KCNJ3: variants seen among roughly 807,000 people sequenced by gnomAD.
KCNJ3 encodes the protein G protein-activated inward rectifier potassium channel 1.
Under a neutral mutation model 39.2 loss-of-function variants are expected in KCNJ3, and 4 were observed. The ratio of observed to expected loss-of-function variants is 0.10; its 90% CI spans 0.05 to 0.23. KCNJ3 has a LOEUF of 0.23. Among genes scored for constraint, KCNJ3 ranks in the 10% least tolerant of loss-of-function variants. KCNJ3 has a pLI of 1.00. For synonymous variants in KCNJ3, 230 were observed against 237.4 expected, an observed-to-expected ratio of 0.97 and a Z score of 0.29; for missense variants, 276 against 634.9, an observed-to-expected ratio of 0.43 and a Z score of 6.08.
Position 154,816,885 on chromosome 2 carries a change from G to T in KCNJ3, c.920-37842G>T, listed in dbSNP as rs563288022. ...AAAGTGTAGCCCTTCTATCCTTATCGCAATTTCTCATTGGCCTTTACATTA... is the reference window on the plus strand; with the variant it reads ...AAAGTGTAGCCCTTCTATCCTTATCTCAATTTCTCATTGGCCTTTACATTA... On this transcript the variant is annotated intron_variant, in intron 2 of 2. Transcript: ENST00000295101. Among the ~76,000 whole-genome samples, 13 of 152,192 alleles carry T rather than the reference G, an allele frequency of 8.5e-5. No individual in the cohort carries two copies. The South Asian group carries it at 2.7e-3, about 32-fold the overall frequency.
rs201704388 is a variant in KCNJ3 at position 154,836,219 on chromosome 2, C to A, written c.920-18508C>A. Among the ~76,000 whole-genome samples, 1,125 of 118,460 alleles carry A rather than the reference C, an allele frequency of 9.5e-3. 23 individuals carry two copies. The highest frequency in any genetic ancestry group is 0.027 in the African/African-American group (810 of 29,522). 77.7% of individuals were successfully genotyped at this position (118,460 alleles called of 152,430 possible). A position where few individuals can be genotyped will look rare whatever the true frequency, so the allele number is the denominator to read the frequency against. Reference sequence around the variant, plus strand: ...AGCAAGACTGTCTCAAAAAAAAAAACAAAAAAAAACAAAAAAAAAAACAAA... The same window carrying A: ...AGCAAGACTGTCTCAAAAAAAAAAAAAAAAAAAAACAAAAAAAAAAACAAA... On this transcript the variant is annotated intron_variant, in intron 2 of 2. Transcript: ENST00000295101.
At chr2:154,785,537 A>C (rs1207292343) in intron 2 of KCNJ3, among the ~76,000 whole-genome samples, 1 of 152,130 alleles carries the variant, frequency 6.6e-6, no homozygotes, top group Non-Finnish European at 1.5e-5. Context: ...TGTTATGGAG[A>C]GAGTGTGTTA....
intron 2 of KCNJ3, among the ~76,000 whole-genome samples, chr2:154,852,848 G>A (rs546457309): frequency 3.3e-5 from 5 of 151,982 alleles, no homozygotes; most frequent in East Asian, 1.9e-4. Flanking sequence ...TATTCCTCAC[G>A]TAAAATTGAT....
At chr2:154,803,581 A>C (rs1249350011) in intron 2 of KCNJ3, among the ~76,000 whole-genome samples, 1 of 151,954 alleles carries the variant, frequency 6.6e-6, no homozygotes, top group Admixed American at 6.6e-5. Flanking sequence ...AGTATAATGA[A>C]GCTTAAACCA....
chr2:154,786,904 A>G (rs2105207360), intron 2 of KCNJ3, among the ~76,000 whole-genome samples: 1 of 152,336 alleles, frequency 6.6e-6, no homozygotes, highest in East Asian at 1.9e-4. Flanking sequence ...GCACAGGGAA[A>G]GCAGATTTAG....
chr2:154,725,026 G>A (rs752244235), intron 2 of KCNJ3, among the ~76,000 whole-genome samples: 15 of 149,958 alleles, frequency 1.0e-4, no homozygotes, highest in Admixed American at 2.7e-4. Context: ...TCCCTTGGGA[G>A]ATTCTTCTGC....
At chr2:154,818,588 A>G (rs1687118495) in intron 2 of KCNJ3, among the ~76,000 whole-genome samples, 1 of 152,188 alleles carries the variant, frequency 6.6e-6, no homozygotes, top group Non-Finnish European at 1.5e-5. Flanking sequence ...GAAGAAACTG[A>G]AGCTTAGAGA....
rs1304283047 is a variant in KCNJ3, at chr2:154,855,485, A to G, written c.*172A>G. 2.6e-5 allele frequency: 15 copies of G among 569,174 alleles called. No individual in the cohort carries two copies. In the East Asian group the frequency reaches 2.8e-4, roughly 11 times the overall value. The allele number at this position is 569,174 out of a possible 1,614,324, so 35.3% of individuals were successfully genotyped here. A position where few individuals can be genotyped will look rare whatever the true frequency, so the allele number is the denominator to read the frequency against. ...TGCGAATGTGCAGAAAGCAACAGTT[A>G]CGGAGGGAGGACATCATAAGGAAGT... is the stretch of plus-strand genomic sequence containing the variant. On this transcript the variant is annotated 3_prime_UTR_variant, in exon 3 of 3. Coordinates refer to ENST00000295101, the MANE Select transcript of KCNJ3 (RefSeq NM_002239.4).
At chr2:154,747,551 A>G (rs1393888278) in intron 2 of KCNJ3, among the ~76,000 whole-genome samples, 1 of 152,004 alleles carries the variant, frequency 6.6e-6, no homozygotes, top group Non-Finnish European at 1.5e-5. Flanking sequence ...GGTGGGGAAT[A>G]GCCTTAATGT....
rs549526311 is a variant in KCNJ3 at position 154,824,001 on chromosome 2, C to T, written c.920-30726C>T. Among the ~76,000 whole-genome samples the T allele has an allele frequency of 3.9e-5, 6 of 152,050 alleles. No individual in the cohort carries two copies. The South Asian group carries it at 1.2e-3, about 31-fold the overall frequency. ...TATAGAGTTTTGTTTGTTCCCTTTGCAATGAGAAATTGAGAAAATTATATT... is the reference window on the plus strand; with the variant it reads ...TATAGAGTTTTGTTTGTTCCCTTTGTAATGAGAAATTGAGAAAATTATATT... On this transcript the variant is annotated intron_variant, in intron 2 of 2. Transcript: ENST00000295101.
At chr2:154,849,312 T>C (rs1687715724) in intron 2 of KCNJ3, among the ~76,000 whole-genome samples, 2 of 152,182 alleles carry the variant, frequency 1.3e-5, no homozygotes, top group South Asian at 2.1e-4. Context: ...GGATTTGCTC[T>C]TCTGTTTTTT....
chr2:154,784,275 T>C (rs1163708222), intron 2 of KCNJ3, among the ~76,000 whole-genome samples: 1 of 152,254 alleles, frequency 6.6e-6, no homozygotes, highest in Admixed American at 6.5e-5. Context: ...GAAAAGATCT[T>C]TGCGTTTTGT....
intron 2 of KCNJ3, among the ~76,000 whole-genome samples, chr2:154,835,763 G>T (rs1405927994): frequency 6.6e-6 from 1 of 151,734 alleles, no homozygotes; most frequent in Non-Finnish European, 1.5e-5. Flanking sequence ...TGAATATTAG[G>T]CAGTTTCATA....
intron 2 of KCNJ3, among the ~76,000 whole-genome samples, chr2:154,728,737 G>T (rs980020778): frequency 1.3e-5 from 2 of 152,152 alleles, no homozygotes; most frequent in African/African-American, 4.8e-5. Flanking sequence ...GAGTCAGATT[G>T]CCTGGTTTTA....
rs187805224 is a variant in KCNJ3, at chr2:154,824,951, T to C, written c.920-29776T>C. Among the ~76,000 whole-genome samples the C allele has an allele frequency of 3.5e-3, 537 of 152,320 alleles. 2 individuals are homozygous for C. Among genetic ancestry groups the C allele is most frequent in the Middle Eastern group, 6.8e-3 (2 of 294 alleles). ...TGTGAATCCTCTTTATGGGAAAATA[T>C]TATGTGGATGATTTGGTGTTGCAGT... On this transcript the variant is annotated intron_variant, in intron 2 of 2. Transcript: ENST00000295101.
intron 2 of KCNJ3, among the ~76,000 whole-genome samples, chr2:154,838,810 A>AGAT (rs1687517280): frequency 6.6e-6 from 1 of 152,222 alleles, no homozygotes. Context: ...ATTTAGAAAA[A>AGAT]GATGAAACAT....
chr2:154,777,567 A>G (rs1487878443), intron 2 of KCNJ3, among the ~76,000 whole-genome samples: 1 of 152,118 alleles, frequency 6.6e-6, no homozygotes, highest in African/African-American at 2.4e-5. Context: ...ATACTTTTTT[A>G]TAGCTCTGCA....
At chr2:154,783,259 A>G (rs1175407864) in intron 2 of KCNJ3, among the ~76,000 whole-genome samples, 2 of 152,190 alleles carry the variant, frequency 1.3e-5, no homozygotes, top group African/African-American at 4.8e-5. Context: ...TTTTAATAGA[A>G]TTGGAATAAT....
chr2:154,803,911 T>C (rs537091735), intron 2 of KCNJ3, among the ~76,000 whole-genome samples: 2 of 152,174 alleles, frequency 1.3e-5, no homozygotes, highest in East Asian at 1.9e-4. Flanking sequence ...ATTTTTGAAC[T>C]GAAGGAAAAA....
Sources: gnomAD v4.1 joint callset for allele counts (sites outside exome capture counted in the v4.1 genomes callset) on GRCh38, gnomAD v4.1.1 for gene constraint, MANE v1.5 for transcripts, NCBI Gene and HGNC (gene_info 2026-07-23, HGNC 2026-07-21) for gene names.